Variants in KCNH5 observed in about 807,000 individuals in gnomAD.
The protein encoded by KCNH5 is voltage-gated delayed rectifier potassium channel KCNH5.
KCNH5 carries 46 observed loss-of-function variants against 96.1 expected under a neutral mutation model. The ratio of observed to expected loss-of-function variants is 0.48; its 90% CI spans 0.38 to 0.61. KCNH5 has a LOEUF of 0.61. Among genes scored for constraint, KCNH5 ranks in the 20% least tolerant of loss-of-function variants. KCNH5 has a pLI of 0.00. For missense variants in KCNH5, 907 were observed against 1,225.8 expected (o/e 0.74, Z 3.88); for synonymous variants, 439 against 449.8 (o/e 0.98, Z 0.30).
intron 10 of KCNH5, among the ~76,000 whole-genome samples, chr14:62,777,788 A>T (rs916880053): frequency 4.6e-5 from 7 of 152,118 alleles, no homozygotes; most frequent in Non-Finnish European, 1.0e-4. Flanking sequence ...TTGTCTTCTT[A>T]TCAGAAGACT....
At chr14:62,734,192 T>C (rs1245592650) in intron 10 of KCNH5, among the ~76,000 whole-genome samples, 1 of 152,124 alleles carries the variant, frequency 6.6e-6, no homozygotes, top group Non-Finnish European at 1.5e-5. Context: ...CTGCTTCCAG[T>C]GATGATTCAT....
At chr14:62,832,501 C>T (rs1219352246) in intron 8 of KCNH5, among the ~76,000 whole-genome samples, 1 of 152,162 alleles carries the variant, frequency 6.6e-6, no homozygotes, top group Non-Finnish European at 1.5e-5. Flanking sequence ...TCTTTTTCCA[C>T]TTATCCATTC....
intron 7 of KCNH5, among the ~76,000 whole-genome samples, chr14:62,936,980 CAAAA>C (rs5809179): frequency 1.6e-5 from 1 of 62,278 alleles, no homozygotes; most frequent in Non-Finnish European, 3.0e-5. Context: ...GACTCCATCT[CAAAA>C]AAAAAAAAAA....
chr14:62,930,576 C>T (rs1889562100), intron 7 of KCNH5, among the ~76,000 whole-genome samples: 1 of 152,144 alleles, frequency 6.6e-6, no homozygotes, highest in Non-Finnish European at 1.5e-5. Context: ...CACTGACTGC[C>T]TCAGGCAAGT....
At position 62,700,169 on chromosome 14, in the gene KCNH5, A is replaced by T. The variant is rs528124514; in HGVS notation, c.*7339T>A. The T allele has an allele frequency of 1.3e-5, 2 of 152,316 alleles. No individual in the cohort carries two copies. The highest frequency in any genetic ancestry group is 1.3e-4 in the Admixed American group (2 of 15,296). The allele number at this position is 152,316 out of a possible 1,614,324, so 9.4% of individuals were successfully genotyped here. On this transcript the variant is annotated 3_prime_UTR_variant, in exon 11 of 11. Transcript: ENST00000322893. The stretch of plus-strand genomic sequence containing the variant: ...AGTCACTAGAACATAGACTAAAAAG[A>T]ACTCTATAATTTTCAATATATCGTG...
chr14:63,041,949 T>C (rs1000178871), intron 1 of KCNH5, among the ~76,000 whole-genome samples: 12 of 152,142 alleles, frequency 7.9e-5, no homozygotes, highest in African/African-American at 2.4e-4. Context: ...TCCTCAGGTA[T>C]AAAATTGATA....
intron 6 of KCNH5, among the ~76,000 whole-genome samples, chr14:62,980,008 C>T (rs1358679960): frequency 6.6e-6 from 1 of 152,126 alleles, no homozygotes; most frequent in Non-Finnish European, 1.5e-5. Context: ...CAGTTTTCCC[C>T]ATGCTGTTCC....
At chr14:62,834,601 T>C (rs535259851) in intron 8 of KCNH5, among the ~76,000 whole-genome samples, 4 of 152,088 alleles carry the variant, frequency 2.6e-5, no homozygotes, top group African/African-American at 7.2e-5. Flanking sequence ...TTAAATAGGA[T>C]AGAAATCTGA....
At chr14:62,932,824 A>G (rs1889606375) in intron 7 of KCNH5, among the ~76,000 whole-genome samples, 1 of 152,292 alleles carries the variant, frequency 6.6e-6, no homozygotes, top group African/African-American at 2.4e-5. Context: ...AAGACAAAAG[A>G]ACAGTGCACC....
intron 10 of KCNH5, among the ~76,000 whole-genome samples, chr14:62,741,599 T>C (rs1380482907): frequency 1.3e-5 from 2 of 151,958 alleles, no homozygotes; most frequent in Non-Finnish European, 1.5e-5. Context: ...CCCTTATGAG[T>C]GATATTTGCA....
At position 62,943,733 on chromosome 14, in the gene KCNH5, G is replaced by A. The variant is rs558436985; in HGVS notation, c.1369+6400C>T. Among the ~76,000 whole-genome samples, 7 of 152,254 alleles carry A rather than the reference G, an allele frequency of 4.6e-5. No homozygotes were observed. The South Asian group carries it at 6.2e-4, about 14-fold the overall frequency. ...AGATACAGAGGAATGGGGAGGATGT[G>A]GCTACCCTGGGGAGTAATGGCTGCC... On this transcript the variant is annotated intron_variant, in intron 7 of 10. Transcript: ENST00000322893.
At chr14:62,749,062 C>T (rs868655924) in intron 10 of KCNH5, among the ~76,000 whole-genome samples, 5 of 152,108 alleles carry the variant, frequency 3.3e-5, no homozygotes, top group African/African-American at 7.2e-5. Context: ...ACACAGCACT[C>T]GGCTTTGATC....
At chr14:62,710,468 T>C (rs911082594) in intron 10 of KCNH5, among the ~76,000 whole-genome samples, 5 of 152,212 alleles carry the variant, frequency 3.3e-5, no homozygotes, top group African/African-American at 4.8e-5. Flanking sequence ...CTTCAAGATA[T>C]GAACATTCTT....
intron 7 of KCNH5, among the ~76,000 whole-genome samples, chr14:62,896,837 T>A: frequency 6.6e-6 from 1 of 152,226 alleles, no homozygotes; most frequent in South Asian, 2.1e-4. Context: ...AGATTGTGTA[T>A]GTACAATACT....
chr14:62,820,940 T>C (rs1887102140), intron 8 of KCNH5, among the ~76,000 whole-genome samples: 1 of 152,124 alleles, frequency 6.6e-6, no homozygotes, highest in Non-Finnish European at 1.5e-5. Flanking sequence ...TTTCTGTTTT[T>C]AGGTCTTTGA....
chr14:62,815,400 A>G (rs1025061577), intron 8 of KCNH5, among the ~76,000 whole-genome samples: 4 of 152,172 alleles, frequency 2.6e-5, no homozygotes, highest in African/African-American at 9.7e-5. Flanking sequence ...CTATTTATTT[A>G]TAATATAATT....
rs542433552 is a variant in KCNH5 at position 62,711,494 on chromosome 14, T to C, written c.2020-3039A>G. On this transcript the variant is annotated intron_variant, in intron 10 of 10. Transcript: ENST00000322893. The stretch of plus-strand genomic sequence containing the variant: ...ATTGCACATTGTTCCTTTCCCCCTT[T>C]TTACGCCCGGGAGATAGGAAGTTAA... Among the ~76,000 whole-genome samples, 102 of 152,266 alleles carry C rather than the reference T, an allele frequency of 6.7e-4. 1 individual carries two copies. Among genetic ancestry groups the C allele is most frequent in the African/African-American group, 2.4e-3 (99 of 41,556 alleles).
intron 8 of KCNH5, among the ~76,000 whole-genome samples, chr14:62,808,693 G>A (rs1886817290): frequency 6.6e-6 from 1 of 152,064 alleles, no homozygotes; most frequent in African/African-American, 2.4e-5. Flanking sequence ...AAAGTTATGG[G>A]AAACTCCTGT....
In KCNH5 at chr14:62,708,285, C is replaced by T. The variant is rs750759211; in HGVS notation, c.2190G>A (p.Glu730=). Residue 730 remains glutamate (E), a synonymous_variant, in exon 11 of 11, where the codon GAG becomes GAA. Transcript: ENST00000322893. ...GGCTCTCTACCTGGAGTTGGTTCCT[C>T]TCAGGGTCACCCTGTGTTGAGCCCT... is the stretch of plus-strand genomic sequence containing the variant. The part of the protein sequence containing the change: ...RNQGSTQGDP[E]RNQLQVESRS... The T allele has an allele frequency of 1.2e-6, 2 of 1,614,096 alleles. No homozygotes were observed. Among genetic ancestry groups the T allele is most frequent in the Admixed American group, 1.7e-5 (1 of 60,010 alleles).
Sources: allele counts gnomAD v4.1 joint callset (sites outside exome capture counted in the v4.1 genomes callset), GRCh38; gene constraint gnomAD v4.1.1; transcripts MANE v1.5; gene names NCBI Gene and HGNC (gene_info 2026-07-23, HGNC 2026-07-21).